Variants in FHOD3 observed in about 807,000 individuals in gnomAD.
FHOD3 encodes formin homology 2 domain containing 3.
FHOD3 carries 90 observed loss-of-function variants against 173.0 expected under a neutral mutation model. The ratio of observed to expected loss-of-function variants is 0.52; its 90% confidence interval spans 0.44 to 0.62. The LOEUF is 0.62. Ranked by LOEUF, FHOD3 falls within the 20% of genes least tolerant of loss-of-function variation. The pLI is 0.00. For missense variants in FHOD3, 1,945 were observed against 2,034.7 expected, an observed-to-expected ratio of 0.96 and a Z score of 0.85; for synonymous variants, 828 against 823.0, an observed-to-expected ratio of 1.01 and a Z score of -0.10.
At chr18:36,661,544 T>A (rs982265591) in intron 14 of FHOD3, among the ~76,000 whole-genome samples, 2 of 152,176 alleles carry the variant, frequency 1.3e-5, no homozygotes, top group South Asian at 4.1e-4. Flanking sequence ...GTTCTAGAAC[T>A]TCATTCCCTT....
chr18:36,323,029 C>T (rs908906603), intron 1 of FHOD3, among the ~76,000 whole-genome samples: 7 of 152,286 alleles, frequency 4.6e-5, no homozygotes, highest in Middle Eastern at 3.4e-3. Context: ...CCCACAGACA[C>T]GCTTGCAATC....
intron 3 of FHOD3, among the ~76,000 whole-genome samples, chr18:36,455,972 G>A (rs1461852469): frequency 6.6e-6 from 1 of 152,106 alleles, no homozygotes; most frequent in Non-Finnish European, 1.5e-5. Context: ...CAGAAGGTCT[G>A]CCTGTAGATA....
chr18:36,670,479 A>G (rs567305521), intron 14 of FHOD3, among the ~76,000 whole-genome samples: 1 of 152,104 alleles, frequency 6.6e-6, no homozygotes, highest in South Asian at 2.1e-4. Context: ...TGTGTCTTCA[A>G]GTTCGCTAAT....
intron 28 of FHOD3, among the ~76,000 whole-genome samples, chr18:36,774,106 G>A (rs1184295768): frequency 1.3e-5 from 2 of 152,108 alleles, no homozygotes; most frequent in African/African-American, 2.4e-5. Context: ...TTTTCCTTTC[G>A]GGCCAAACTC....
chr18:36,670,969 T>C (rs983492207), intron 14 of FHOD3, among the ~76,000 whole-genome samples: 4 of 152,264 alleles, frequency 2.6e-5, no homozygotes, highest in Admixed American at 6.5e-5. Context: ...CTCTGAATTA[T>C]GAAGTTTTTC....
intron 10 of FHOD3, among the ~76,000 whole-genome samples, chr18:36,629,701 G>A (rs772519460): frequency 1.3e-5 from 2 of 152,138 alleles, no homozygotes; most frequent in Non-Finnish European, 2.9e-5. Context: ...GAGTTCCCAG[G>A]GCACAGAGGA....
intron 8 of FHOD3, among the ~76,000 whole-genome samples, chr18:36,605,564 G>A (rs959434101): frequency 1.3e-4 from 19 of 151,952 alleles, no homozygotes; most frequent in African/African-American, 4.4e-4. Flanking sequence ...CTAGTGTTCC[G>A]TTATTGGAAC....
intron 24 of FHOD3, among the ~76,000 whole-genome samples, chr18:36,754,552 C>T (rs920816548): frequency 3.3e-4 from 50 of 152,002 alleles, no homozygotes; most frequent in Admixed American, 1.2e-3. Context: ...TATAATATCA[C>T]AAGAAATGTT....
intron 14 of FHOD3, among the ~76,000 whole-genome samples, chr18:36,675,600 T>C (rs1163191908): frequency 6.6e-6 from 1 of 152,224 alleles, no homozygotes; most frequent in African/African-American, 2.4e-5. Context: ...GCACCCACCC[T>C]GCATTCACTC....
chr18:36,484,698 T>C (rs983644330), intron 3 of FHOD3, among the ~76,000 whole-genome samples: 2 of 152,166 alleles, frequency 1.3e-5, no homozygotes, highest in African/African-American at 4.8e-5. Context: ...ATGACGGGTG[T>C]GCATGTCTCT....
intron 14 of FHOD3, among the ~76,000 whole-genome samples, chr18:36,680,190 G>GA (rs1352632989): frequency 3.9e-5 from 6 of 152,182 alleles, no homozygotes; most frequent in Non-Finnish European, 8.8e-5. Flanking sequence ...AGCTGCCAGG[G>GA]ATGGTGGTTT....
At chr18:36,760,089 G>T (rs1485533870) in intron 26 of FHOD3, among the ~76,000 whole-genome samples, 2 of 152,154 alleles carry the variant, frequency 1.3e-5, no homozygotes, top group East Asian at 3.8e-4. Flanking sequence ...AGGTCTAGAA[G>T]AATTCTTCCC....
chr18:36,433,490 T>G (rs1476529729), intron 3 of FHOD3, among the ~76,000 whole-genome samples: 1 of 152,204 alleles, frequency 6.6e-6, no homozygotes, highest in Non-Finnish European at 1.5e-5. Flanking sequence ...GTTAACAAAT[T>G]TATTCAATTC....
At chr18:36,768,223 A>G (rs1166004600) in intron 27 of FHOD3, among the ~76,000 whole-genome samples, 2 of 152,226 alleles carry the variant, frequency 1.3e-5, no homozygotes, top group Non-Finnish European at 2.9e-5. Flanking sequence ...TATATTCACT[A>G]TCGTATAGAA....
chr18:36,575,322 A>G (rs917374727), intron 5 of FHOD3, among the ~76,000 whole-genome samples: 1 of 152,158 alleles, frequency 6.6e-6, no homozygotes, highest in East Asian at 1.9e-4. Flanking sequence ...GCATTTTCTA[A>G]TATTACATAT....
At chr18:36,707,187 C>G (rs1217602400) in intron 17 of FHOD3, among the ~76,000 whole-genome samples, 1 of 152,194 alleles carries the variant, frequency 6.6e-6, no homozygotes, top group Non-Finnish European at 1.5e-5. Flanking sequence ...ACCCATGAAT[C>G]TCTGTCTGGA....
intron 20 of FHOD3, among the ~76,000 whole-genome samples, chr18:36,734,608 T>G (rs1292928243): frequency 6.6e-6 from 1 of 152,136 alleles, no homozygotes; most frequent in Non-Finnish European, 1.5e-5. Flanking sequence ...GGGCCATTGA[T>G]CTCAGGGACC....
At chr18:36,723,433 G>T (rs1015160653) in intron 19 of FHOD3, among the ~76,000 whole-genome samples, 3 of 152,032 alleles carry the variant, frequency 2.0e-5, no homozygotes, top group Admixed American at 6.6e-5. Context: ...ACATCTCCCC[G>T]TCTCCCTTGT....
chr18:36,565,175 A>G (rs1201951815), intron 5 of FHOD3, among the ~76,000 whole-genome samples: 1 of 152,130 alleles, frequency 6.6e-6, no homozygotes, highest in East Asian at 1.9e-4. Flanking sequence ...AACAATATCA[A>G]CCTCTTTTTA....
Sources: gnomAD v4.1 joint callset for allele counts (sites outside exome capture counted in the v4.1 genomes callset) on GRCh38, gnomAD v4.1.1 for gene constraint, MANE v1.5 for transcripts, NCBI Gene and HGNC (gene_info 2026-07-23, HGNC 2026-07-21) for gene names.